The following MCPH1 variants were observed in gnomAD, a reference collection of about 807,000 sequenced individuals.
MCPH1 encodes the protein microcephalin.
In MCPH1, 104 loss-of-function variants were observed where a neutral mutation model predicts 84.5. That is an observed-to-expected ratio of 1.23 (90% CI 1.05 to 1.45). MCPH1 has a LOEUF of 1.45. MCPH1 is among the 40% of genes most tolerant of loss of function. The probability of loss-of-function intolerance (pLI) is 0.00; values close to 1 mark genes in which losing one functional copy is unlikely to be tolerated. For missense variants in MCPH1, 1,498 were observed against 1,005.7 expected, an observed-to-expected ratio of 1.49 and a Z score of -6.62; for synonymous variants, 514 against 366.8, an observed-to-expected ratio of 1.40 and a Z score of -4.58.
intron 12 of MCPH1, among the ~76,000 whole-genome samples, chr8:6,547,726 C>T (rs1822854772): frequency 6.6e-6 from 1 of 152,112 alleles, no homozygotes; most frequent in Non-Finnish European, 1.5e-5. Flanking sequence ...TCACACAAGT[C>T]ACTAGAGATT....
At chr8:6,419,969 A>C (rs983382273) in intron 3 of MCPH1, among the ~76,000 whole-genome samples, 2 of 151,772 alleles carry the variant, frequency 1.3e-5, no homozygotes, top group Non-Finnish European at 2.9e-5. Flanking sequence ...CATTCATTGC[A>C]TAGGCCAGGC....
chr8:6,440,751 CTTTTAATGTGATCAACT>C (rs1353386221), intron 6 of MCPH1, among the ~76,000 whole-genome samples: 5 of 152,200 alleles, frequency 3.3e-5, no homozygotes, highest in Non-Finnish European at 7.3e-5. Flanking sequence ...CCGAATGCAG[CTTTTAATGTGATCAACT>C]ATTACCTCGC....
intron 3 of MCPH1, among the ~76,000 whole-genome samples, chr8:6,420,077 A>G (rs1799943042): frequency 6.6e-6 from 1 of 151,116 alleles, no homozygotes; most frequent in Non-Finnish European, 1.5e-5. Flanking sequence ...GGGCTCGTGT[A>G]TCTCGTTTGC....
At chr8:6,413,875 C>G (rs1798881977) in intron 2 of MCPH1, among the ~76,000 whole-genome samples, 1 of 151,994 alleles carries the variant, frequency 6.6e-6, no homozygotes, top group African/African-American at 2.4e-5. Context: ...CTGCCTCAGC[C>G]TCCCGAGTTG....
intron 12 of MCPH1, among the ~76,000 whole-genome samples, chr8:6,608,618 G>T (rs1412294188): frequency 2.6e-5 from 4 of 152,142 alleles, no homozygotes; most frequent in African/African-American, 9.7e-5. Context: ...TTCTCATTCG[G>T]TCCTTTGCTG....
chr8:6,618,322 T>G (rs1831066152), intron 12 of MCPH1, among the ~76,000 whole-genome samples: 1 of 152,186 alleles, frequency 6.6e-6, no homozygotes, highest in Non-Finnish European at 1.5e-5. Context: ...GTGGGGGAAA[T>G]GGTGCTTTAT....
chr8:6,485,779 G>T (rs778020194), intron 11 of MCPH1, among the ~76,000 whole-genome samples: 6 of 152,034 alleles, frequency 3.9e-5, no homozygotes, highest in Non-Finnish European at 8.8e-5. Flanking sequence ...TGGCAGTCAG[G>T]TATATCACAC....
At chr8:6,542,254 C>T (rs1821731253) in intron 12 of MCPH1, among the ~76,000 whole-genome samples, 1 of 151,890 alleles carries the variant, frequency 6.6e-6, no homozygotes, top group South Asian at 2.1e-4. Context: ...TGTCTAGAGA[C>T]ATATATGCAT....
intron 10 of MCPH1, 28 bp from the exon 11 acceptor site, chr8:6,480,686 T>G (rs777184229): frequency 1.7e-5 from 28 of 1,613,942 alleles, no homozygotes; most frequent in Non-Finnish European, 2.4e-5. Flanking sequence ...AGTCATTCAT[T>G]TTGTTAATTT....
intron 6 of MCPH1, among the ~76,000 whole-genome samples, chr8:6,440,152 A>T (rs955496473): frequency 2.6e-5 from 4 of 152,220 alleles, no homozygotes; most frequent in African/African-American, 9.6e-5. Context: ...TTTGATATTG[A>T]AAATCTATTG....
intron 2 of MCPH1, among the ~76,000 whole-genome samples, chr8:6,412,738 G>C (rs1412013178): frequency 1.3e-5 from 2 of 152,160 alleles, no homozygotes; most frequent in African/African-American, 4.8e-5. Flanking sequence ...ATCTCTCTAG[G>C]TGTCAGTCTT....
chr8:6,583,031 A>T (rs1220034033), intron 12 of MCPH1, among the ~76,000 whole-genome samples: 1 of 152,184 alleles, frequency 6.6e-6, no homozygotes, highest in African/African-American at 2.4e-5. Context: ...TCACATTGAA[A>T]TCGAGTTACA....
chr8:6,446,220 A>G (rs1480801901), intron 8 of MCPH1: 3 of 927,484 alleles, frequency 3.2e-6, no homozygotes, highest in African/African-American at 3.6e-5. Flanking sequence ...AAGTCAAAAC[A>G]ATAAAAAATT....
chr8:6,540,121 C>T lies in MCPH1; in HGVS notation c.2214+40192C>T, dbSNP rs186351459. On this transcript the variant is annotated intron_variant, in intron 12 of 13. Coordinates refer to ENST00000344683, the MANE Select transcript of MCPH1 (RefSeq NM_024596.5). ...ATTTGAGTGTACCAGAATGTCTGTG[C>T]TCTGGCAAATCCTATCCGCTTTGCT... is the stretch of plus-strand genomic sequence containing the variant. Among the ~76,000 whole-genome samples, 77 of 152,292 alleles carry T rather than the reference C, an allele frequency of 5.1e-4. No homozygotes were observed. In the Middle Eastern group the frequency reaches 0.024, roughly 47 times the overall value.
At chr8:6,458,935 C>T (rs553663713) in intron 9 of MCPH1, among the ~76,000 whole-genome samples, 1 of 152,328 alleles carries the variant, frequency 6.6e-6, no homozygotes, top group East Asian at 1.9e-4. Context: ...GCGTGAGCCA[C>T]AGCACCTAGC....
intron 11 of MCPH1, among the ~76,000 whole-genome samples, chr8:6,485,239 C>T (rs1009089850): frequency 2.0e-5 from 3 of 151,878 alleles, no homozygotes; most frequent in Non-Finnish European, 2.9e-5. Context: ...GCAGGAGAAT[C>T]GCTTGAACTT....
At chr8:6,624,939 G>C (rs1364704099) in intron 13 of MCPH1, 20 of 833,418 alleles carry the variant, frequency 2.4e-5, no homozygotes, top group African/African-American at 7.5e-5. Context: ...GCAGTGATGA[G>C]ATCTCAGCTC....
At chr8:6,518,581 G>T (rs1306465445) in intron 12 of MCPH1, among the ~76,000 whole-genome samples, 1 of 152,054 alleles carries the variant, frequency 6.6e-6, no homozygotes, top group Non-Finnish European at 1.5e-5. Flanking sequence ...TCAAGTTCCA[G>T]GTCTTTAAAA....
chr8:6,499,692 G>T, intron 11 of MCPH1, 160 bp from the exon 12 acceptor site: 1 of 635,946 alleles, frequency 1.6e-6, no homozygotes, highest in South Asian at 1.8e-5. Flanking sequence ...TAACATTTAT[G>T]CAACATGAAG....
Sources: allele counts gnomAD v4.1 joint callset (sites outside exome capture counted in the v4.1 genomes callset), GRCh38; gene constraint gnomAD v4.1.1; transcripts MANE v1.5; gene names NCBI Gene and HGNC (gene_info 2026-07-23, HGNC 2026-07-21).